Variants in PACRG observed in about 807,000 individuals in gnomAD.
PACRG encodes parkin coregulated gene protein.
PACRG carries 29 observed loss-of-function variants against 29.7 expected under a neutral mutation model. The ratio of observed to expected loss-of-function variants is 0.98; its 90% CI spans 0.73 to 1.33. The LOEUF is 1.33. Among genes scored for constraint, PACRG ranks in the 40% most tolerant of loss-of-function variants. PACRG has a pLI of 0.00. For synonymous variants in PACRG, 116 were observed against 118.7 expected (o/e 0.98, Z 0.15); for missense variants, 279 against 316.2 (o/e 0.88, Z 0.89).
chr6:163,077,046 G>A (rs963179702), intron 3 of PACRG, among the ~76,000 whole-genome samples: 10 of 152,166 alleles, frequency 6.6e-5, no homozygotes, highest in Admixed American at 1.3e-4. Flanking sequence ...TATAGGTGCC[G>A]TAATCAAAAG....
At chr6:162,947,934 A>G (rs745666972) in intron 2 of PACRG, among the ~76,000 whole-genome samples, 1 of 151,868 alleles carries the variant, frequency 6.6e-6, no homozygotes, top group Admixed American at 6.6e-5. Flanking sequence ...ATGCTCATGG[A>G]TTGGAATAAT....
At chr6:163,298,365 C>T (rs1442509977) in intron 4 of PACRG, among the ~76,000 whole-genome samples, 1 of 152,082 alleles carries the variant, frequency 6.6e-6, no homozygotes, top group Admixed American at 6.6e-5. Flanking sequence ...TTTATAGACG[C>T]TGGATTGGCA....
intron 4 of PACRG, among the ~76,000 whole-genome samples, chr6:163,137,583 A>G (rs2128332561): frequency 6.6e-6 from 1 of 152,184 alleles, no homozygotes. Context: ...CTGGCTCTCG[A>G]GAACACCGTC....
At chr6:162,834,441 T>C (rs936352448) in intron 2 of PACRG, among the ~76,000 whole-genome samples, 1 of 152,106 alleles carries the variant, frequency 6.6e-6, no homozygotes, top group African/African-American at 2.4e-5. Flanking sequence ...TAAGTTGTTT[T>C]AGGCCAGTTG....
At chr6:163,187,368 G>A (rs1779991582) in intron 4 of PACRG, among the ~76,000 whole-genome samples, 1 of 152,110 alleles carries the variant, frequency 6.6e-6, no homozygotes, top group African/African-American at 2.4e-5. Context: ...GCCTGTGAAA[G>A]GCTTCTGTGC....
chr6:163,254,059 C>A (rs771215637), intron 4 of PACRG, among the ~76,000 whole-genome samples: 30 of 152,208 alleles, frequency 2.0e-4, no homozygotes, highest in Non-Finnish European at 3.5e-4. Flanking sequence ...AGCCACTTCT[C>A]CTGCTACCAC....
At chr6:162,833,603 AATC>A (rs1229626771) in intron 2 of PACRG, among the ~76,000 whole-genome samples, 2 of 152,102 alleles carry the variant, frequency 1.3e-5, no homozygotes, top group African/African-American at 4.8e-5. Context: ...GCATTTCTGT[AATC>A]ATCAGTGATG....
intron 3 of PACRG, among the ~76,000 whole-genome samples, chr6:163,073,872 C>G (rs890553425): frequency 6.6e-6 from 1 of 152,160 alleles, no homozygotes; most frequent in Non-Finnish European, 1.5e-5. Flanking sequence ...CAAATCAAAA[C>G]TATAATGAGA....
intron 2 of PACRG, among the ~76,000 whole-genome samples, chr6:162,921,499 T>C (rs1797061949): frequency 6.6e-6 from 1 of 152,166 alleles, no homozygotes; most frequent in Non-Finnish European, 1.5e-5. Flanking sequence ...CTTGACACTT[T>C]TGTTCATCAA....
chr6:163,116,286 A>G (rs1339436541), intron 4 of PACRG, among the ~76,000 whole-genome samples: 1 of 152,156 alleles, frequency 6.6e-6, no homozygotes, highest in African/African-American at 2.4e-5. Flanking sequence ...GATACTACGC[A>G]CTATTAAATG....
intron 4 of PACRG, among the ~76,000 whole-genome samples, chr6:163,239,575 T>A (rs1397032975): frequency 6.6e-6 from 1 of 151,944 alleles, no homozygotes; most frequent in Non-Finnish European, 1.5e-5. Flanking sequence ...GCAACCCCTG[T>A]CCTTCTTAAC....
chr6:163,234,724 A>G (rs538859752), intron 4 of PACRG, among the ~76,000 whole-genome samples: 1 of 152,324 alleles, frequency 6.6e-6, no homozygotes, highest in South Asian at 2.1e-4. Context: ...AAACAAAGAG[A>G]GCAGAGTCAA....
chr6:162,863,365 A>C (rs1792026064), intron 2 of PACRG, among the ~76,000 whole-genome samples: 1 of 152,234 alleles, frequency 6.6e-6, no homozygotes, highest in Admixed American at 6.5e-5. Flanking sequence ...AGCAATGTTG[A>C]ACTTTGAAGA....
chr6:162,932,585 T>G (rs560126072), intron 2 of PACRG, among the ~76,000 whole-genome samples: 1 of 152,168 alleles, frequency 6.6e-6, no homozygotes, highest in Admixed American at 6.5e-5. Context: ...TCTTGAAATT[T>G]TCCATTTCTT....
At chr6:163,088,121 G>C (rs944974072) in intron 3 of PACRG, among the ~76,000 whole-genome samples, 3 of 152,178 alleles carry the variant, frequency 2.0e-5, no homozygotes, top group Admixed American at 6.5e-5. Context: ...CAAGATCCAG[G>C]CTGATGGAAA....
intron 4 of PACRG, among the ~76,000 whole-genome samples, chr6:163,180,637 A>T (rs566686974): frequency 6.6e-6 from 1 of 152,236 alleles, no homozygotes; most frequent in Non-Finnish European, 1.5e-5. Flanking sequence ...AAAAAATAAA[A>T]ATAAAAATTC....
chr6:163,223,353 C>T (rs954077784), intron 4 of PACRG, among the ~76,000 whole-genome samples: 4 of 152,004 alleles, frequency 2.6e-5, no homozygotes, highest in Non-Finnish European at 5.9e-5. Flanking sequence ...GAGATTGCGC[C>T]GTTGCACTCC....
chr6:163,292,997 G>A (rs1302579020), intron 4 of PACRG, among the ~76,000 whole-genome samples: 1 of 152,186 alleles, frequency 6.6e-6, no homozygotes, highest in African/African-American at 2.4e-5. Flanking sequence ...GATCCCGAAT[G>A]TAAAAATCAA....
intron 4 of PACRG, among the ~76,000 whole-genome samples, chr6:163,185,767 C>A (rs1042781524): frequency 1.3e-5 from 2 of 152,138 alleles, no homozygotes; most frequent in Non-Finnish European, 1.5e-5. Flanking sequence ...CTCTTTATTT[C>A]TCTGTATCTC....
Sources: gnomAD v4.1 joint callset for allele counts (sites outside exome capture counted in the v4.1 genomes callset) on GRCh38, gnomAD v4.1.1 for gene constraint, MANE v1.5 for transcripts, NCBI Gene and HGNC (gene_info 2026-07-23, HGNC 2026-07-21) for gene names.